Variants in CSMD3 observed in about 807,000 individuals in gnomAD.
The protein encoded by CSMD3 is CUB and Sushi multiple domains 3.
Under a neutral mutation model 435.2 loss-of-function variants are expected in CSMD3, and 177 were observed. That is an observed-to-expected ratio of 0.41 (90% CI 0.36 to 0.46). CSMD3 has a LOEUF of 0.46. Ranked by LOEUF, CSMD3 falls within the 20% of genes least tolerant of loss-of-function variation. CSMD3 has a pLI of 0.34. For missense variants in CSMD3, 4,265 were observed against 4,504.6 expected (o/e 0.95, Z 1.52); for synonymous variants, 1,656 against 1,520.5 (o/e 1.09, Z -2.07).
chr8:112,289,625 G>T, intron 56 of CSMD3, 87 bp from the exon 57 acceptor site: 1 of 862,686 alleles, frequency 1.2e-6, no homozygotes, highest in Non-Finnish European at 1.8e-6. Context: ...CATACCAGAA[G>T]TAAATGTTCT....
At chr8:112,592,676 T>C (rs1197742221) in intron 22 of CSMD3, among the ~76,000 whole-genome samples, 1 of 152,118 alleles carries the variant, frequency 6.6e-6, no homozygotes, top group East Asian at 1.9e-4. Context: ...ATATTGACTA[T>C]TTCCCATAAT....
At chr8:112,520,763 A>C (rs530259085) in intron 27 of CSMD3, among the ~76,000 whole-genome samples, 1 of 151,994 alleles carries the variant, frequency 6.6e-6, no homozygotes, top group Non-Finnish European at 1.5e-5. Flanking sequence ...ATAACATTTT[A>C]AAGTAACTAC....
At chr8:112,740,043 T>C (rs1188265772) in intron 13 of CSMD3, among the ~76,000 whole-genome samples, 2 of 151,770 alleles carry the variant, frequency 1.3e-5, no homozygotes, top group African/African-American at 4.8e-5. Flanking sequence ...AGAGAATTCC[T>C]TGGAAGGAAT....
chr8:113,039,131 A>G lies in CSMD3; in HGVS notation c.918-19952T>C, dbSNP rs551280671. Among the ~76,000 whole-genome samples the G allele has an allele frequency of 2.1e-3, 313 of 152,284 alleles. 2 individuals are homozygous for G. The highest frequency in any genetic ancestry group is 7.2e-3 in the African/African-American group (298 of 41,580). ...TATTGTAGTACAAAATCCATGGTAT[A>G]TAACTCTATAAATTTATTTGAATGA... is the stretch of plus-strand genomic sequence containing the variant. On this transcript the variant is annotated intron_variant, in intron 5 of 70. Transcript: ENST00000297405.
At chr8:112,860,226 G>T (rs543486447) in intron 10 of CSMD3, among the ~76,000 whole-genome samples, 1 of 151,714 alleles carries the variant, frequency 6.6e-6, no homozygotes, top group African/African-American at 2.4e-5. Flanking sequence ...TTTCTTGTAT[G>T]TTACATGTAG....
chr8:113,388,398 GA>G (rs145320921), intron 1 of CSMD3, among the ~76,000 whole-genome samples: 9 of 150,566 alleles, frequency 6.0e-5, no homozygotes, highest in Admixed American at 1.3e-4. Context: ...ACTATCTCCT[GA>G]AAAAAAAATT....
intron 3 of CSMD3, among the ~76,000 whole-genome samples, chr8:113,191,423 T>G (rs938829989): frequency 3.3e-5 from 5 of 151,654 alleles, no homozygotes; most frequent in Non-Finnish European, 7.4e-5. Context: ...GTCCCCCGTG[T>G]CTATTATTTC....
At chr8:112,488,325 A>G (rs965764396) in intron 31 of CSMD3, among the ~76,000 whole-genome samples, 1 of 152,160 alleles carries the variant, frequency 6.6e-6, no homozygotes, top group African/African-American at 2.4e-5. Context: ...GTTACACGCT[A>G]AACACGATAT....
intron 6 of CSMD3, among the ~76,000 whole-genome samples, chr8:113,007,323 A>G (rs1289226710): frequency 6.6e-6 from 1 of 152,004 alleles, no homozygotes; most frequent in Non-Finnish European, 1.5e-5. Context: ...GACCATACTT[A>G]GACAAATGAC....
At chr8:113,154,719 T>G (rs1176012889) in intron 4 of CSMD3, among the ~76,000 whole-genome samples, 1 of 152,034 alleles carries the variant, frequency 6.6e-6, no homozygotes, top group Non-Finnish European at 1.5e-5. Flanking sequence ...CAACAATAGC[T>G]ACTTCAGAGC....
At chr8:112,721,727 C>T (rs1011034490) in intron 13 of CSMD3, among the ~76,000 whole-genome samples, 12 of 152,022 alleles carry the variant, frequency 7.9e-5, no homozygotes, top group African/African-American at 1.9e-4. Flanking sequence ...AAAGAAACAT[C>T]GAGTGAGGCC....
At chr8:112,280,844 T>C (rs1818560167) in intron 59 of CSMD3, among the ~76,000 whole-genome samples, 1 of 152,134 alleles carries the variant, frequency 6.6e-6, no homozygotes, top group South Asian at 2.1e-4. Flanking sequence ...ATTGACAAAA[T>C]AAAATTGCAT....
At chr8:112,909,170 TC>T (rs1364155832) in intron 10 of CSMD3, among the ~76,000 whole-genome samples, 1 of 151,580 alleles carries the variant, frequency 6.6e-6, no homozygotes, top group Admixed American at 6.6e-5. Context: ...TGAATATTTA[TC>T]ATTCAAACAC....
intron 28 of CSMD3, among the ~76,000 whole-genome samples, chr8:112,511,170 T>TA (rs1823081067): frequency 6.6e-6 from 1 of 152,144 alleles, no homozygotes; most frequent in Admixed American, 6.5e-5. Flanking sequence ...CACTATCTTG[T>TA]AGTCTATTAA....
At chr8:112,997,453 A>C (rs1392241027) in intron 6 of CSMD3, among the ~76,000 whole-genome samples, 1 of 151,644 alleles carries the variant, frequency 6.6e-6, no homozygotes, top group Non-Finnish European at 1.5e-5. Flanking sequence ...ATCTTTATGA[A>C]ATTTAGTTGT....
chr8:112,267,109 A>C (rs1051354074), intron 59 of CSMD3, among the ~76,000 whole-genome samples: 1 of 152,106 alleles, frequency 6.6e-6, no homozygotes, highest in Non-Finnish European at 1.5e-5. Flanking sequence ...GGCATGGAAG[A>C]CCTTAAGAAC....
chr8:113,251,032 T>C (rs1283380059), intron 3 of CSMD3, among the ~76,000 whole-genome samples: 1 of 151,930 alleles, frequency 6.6e-6, no homozygotes, highest in Non-Finnish European at 1.5e-5. Flanking sequence ...AATGAGTACA[T>C]GAAGAGTAAA....
At chr8:112,806,278 T>G (rs1362770181) in intron 12 of CSMD3, among the ~76,000 whole-genome samples, 1 of 152,186 alleles carries the variant, frequency 6.6e-6, no homozygotes, top group Non-Finnish European at 1.5e-5. Flanking sequence ...GACTTTCCAC[T>G]TGCTTTGCTA....
chr8:113,075,422 C>T (rs1019359359), intron 5 of CSMD3, among the ~76,000 whole-genome samples: 9 of 151,770 alleles, frequency 5.9e-5, no homozygotes, highest in Non-Finnish European at 1.3e-4. Context: ...TTAATTTTTT[C>T]ATCTATTCAA....
Sources: gnomAD v4.1 joint callset for allele counts (sites outside exome capture counted in the v4.1 genomes callset) on GRCh38, gnomAD v4.1.1 for gene constraint, MANE v1.5 for transcripts, NCBI Gene and HGNC (gene_info 2026-07-23, HGNC 2026-07-21) for gene names.